Variants in SORCS3 observed in about 807,000 individuals in gnomAD.
SORCS3 encodes the protein VPS10 domain-containing receptor SorCS3.
A neutral mutation model predicts 146.3 loss-of-function variants in SORCS3; 57 were observed. That is an observed-to-expected ratio of 0.39 (90% CI 0.31 to 0.49). SORCS3 has a LOEUF of 0.49. Ranked by LOEUF, SORCS3 falls within the 20% of genes least tolerant of loss-of-function variation. The pLI is 0.92. For synonymous variants in SORCS3, 653 were observed against 618.5 expected, an observed-to-expected ratio of 1.06 and a Z score of -0.83; for missense variants, 1,341 against 1,575.5, an observed-to-expected ratio of 0.85 and a Z score of 2.52.
At chr10:104,740,863 A>G (rs1486559840) in intron 1 of SORCS3, among the ~76,000 whole-genome samples, 1 of 152,166 alleles carries the variant, frequency 6.6e-6, no homozygotes, top group Non-Finnish European at 1.5e-5. Context: ...TTATTAGGTT[A>G]ACATAAAGTT....
chr10:104,722,995 C>T (rs1197971553), intron 1 of SORCS3, among the ~76,000 whole-genome samples: 2 of 152,018 alleles, frequency 1.3e-5, no homozygotes, highest in African/African-American at 2.4e-5. Context: ...CTGCTCTGAT[C>T]TTAGTTATTT....
At chr10:105,082,823 G>A (rs2055634308) in intron 5 of SORCS3, among the ~76,000 whole-genome samples, 1 of 151,986 alleles carries the variant, frequency 6.6e-6, no homozygotes, top group East Asian at 1.9e-4. Flanking sequence ...CCCTGCCTCC[G>A]AGGTTCAAGT....
chr10:105,125,717 C>A (rs2055969261), intron 7 of SORCS3, among the ~76,000 whole-genome samples: 1 of 34,862 alleles, frequency 2.9e-5, no homozygotes, highest in African/African-American at 1.7e-4. Flanking sequence ...ACAAAACAGG[C>A]AGCTTAGAAT....
intron 5 of SORCS3, among the ~76,000 whole-genome samples, chr10:105,071,011 G>T (rs2055553122): frequency 6.6e-6 from 1 of 152,180 alleles, no homozygotes; most frequent in South Asian, 2.1e-4. Flanking sequence ...CCTGGGAGAG[G>T]TATTGTCCAG....
At chr10:104,878,992 C>T (rs1357851975) in intron 2 of SORCS3, among the ~76,000 whole-genome samples, 4 of 152,174 alleles carry the variant, frequency 2.6e-5, no homozygotes, top group Non-Finnish European at 4.4e-5. Context: ...CGGTGGTTCT[C>T]AGGGTCAGAT....
intron 1 of SORCS3, among the ~76,000 whole-genome samples, chr10:104,769,918 A>G (rs2017227848): frequency 6.6e-6 from 1 of 152,118 alleles, no homozygotes; most frequent in Non-Finnish European, 1.5e-5. Context: ...GCCATTTGGG[A>G]TAATGATAAT....
At chr10:105,077,156 T>C (rs1197223729) in intron 5 of SORCS3, among the ~76,000 whole-genome samples, 1 of 152,222 alleles carries the variant, frequency 6.6e-6, no homozygotes, top group Non-Finnish European at 1.5e-5. Context: ...CTAGTAGGAA[T>C]TGTGTCATAT....
chr10:105,062,889 G>T (rs542345912), intron 5 of SORCS3, among the ~76,000 whole-genome samples: 10 of 152,266 alleles, frequency 6.6e-5, no homozygotes, highest in Admixed American at 5.9e-4. Flanking sequence ...TGGTGGAGAT[G>T]ATGGTCTTTT....
chr10:105,234,403 G>A (rs2056781375), intron 20 of SORCS3, among the ~76,000 whole-genome samples: 2 of 151,948 alleles, frequency 1.3e-5, no homozygotes, highest in South Asian at 2.1e-4. Flanking sequence ...TGAGTTTTGA[G>A]TGTCTGTGGT....
intron 1 of SORCS3, among the ~76,000 whole-genome samples, chr10:104,709,069 G>C (rs897826154): frequency 6.6e-6 from 1 of 152,176 alleles, no homozygotes; most frequent in African/African-American, 2.4e-5. Context: ...ATTCTGTCTA[G>C]CCCTCCAGTC....
intron 20 of SORCS3, among the ~76,000 whole-genome samples, chr10:105,231,611 T>G (rs1221733097): frequency 6.6e-6 from 1 of 152,200 alleles, no homozygotes; most frequent in Non-Finnish European, 1.5e-5. Context: ...GTGGGAAAGC[T>G]TCTAATTTCA....
chr10:104,858,653 G>A (rs1327284639), intron 2 of SORCS3, among the ~76,000 whole-genome samples: 3 of 147,224 alleles, frequency 2.0e-5, no homozygotes, highest in Non-Finnish European at 3.0e-5. Flanking sequence ...ACGGAGTCTC[G>A]CTCTGTCGCC....
chr10:105,164,800 C>T (rs924430047), intron 12 of SORCS3, among the ~76,000 whole-genome samples: 7 of 152,106 alleles, frequency 4.6e-5, no homozygotes, highest in Admixed American at 1.3e-4. Context: ...CTGACAAAGC[C>T]ATGGAAGTCA....
At chr10:105,120,925 G>T (rs376136814) in intron 7 of SORCS3, among the ~76,000 whole-genome samples, 4 of 152,116 alleles carry the variant, frequency 2.6e-5, no homozygotes, top group African/African-American at 9.7e-5. Flanking sequence ...AAGTAAGGGT[G>T]GTGGTAAGCG....
intron 3 of SORCS3, among the ~76,000 whole-genome samples, chr10:104,961,370 G>T (rs959744115): frequency 6.6e-5 from 10 of 152,014 alleles, no homozygotes; most frequent in African/African-American, 2.2e-4. Flanking sequence ...TCCATGTCTG[G>T]GTTTACATCT....
rs1264379553 is a variant in SORCS3 at position 104,762,573 on chromosome 10, G to A, written c.628-80219G>A. Among the ~76,000 whole-genome samples, 3 of 152,106 alleles carry A rather than the reference G, an allele frequency of 2.0e-5. No homozygotes were observed. The East Asian group carries it at 5.8e-4, about 29-fold the overall frequency. Reference sequence around the variant, plus strand: ...TGATATGGTTTGGCTCTGTGTCCCTGCCCAAATCTCATCTCAAATTGTAAT... The same window carrying A: ...TGATATGGTTTGGCTCTGTGTCCCTACCCAAATCTCATCTCAAATTGTAAT... On this transcript the variant is annotated intron_variant, in intron 1 of 26. Coordinates refer to ENST00000369701, the MANE Select transcript of SORCS3 (RefSeq NM_014978.3).
At chr10:104,982,958 T>C (rs543480754) in intron 4 of SORCS3, among the ~76,000 whole-genome samples, 85 of 152,352 alleles carry the variant, frequency 5.6e-4, no homozygotes, top group African/African-American at 2.0e-3. Flanking sequence ...TTTAGCAAAA[T>C]GTGGCTCTGG....
At chr10:105,185,592 C>T (rs986753462) in intron 14 of SORCS3, among the ~76,000 whole-genome samples, 22 of 152,166 alleles carry the variant, frequency 1.4e-4, no homozygotes, top group African/African-American at 4.8e-4. Flanking sequence ...TATTGTCTTA[C>T]AGGTTTTTGT....
intron 2 of SORCS3, among the ~76,000 whole-genome samples, chr10:104,859,697 A>G (rs1051370392): frequency 1.3e-5 from 2 of 152,196 alleles, no homozygotes; most frequent in African/African-American, 4.8e-5. Context: ...TCCAGAATCT[A>G]CAATGAACTC....
Sources: gnomAD v4.1 joint callset for allele counts (sites outside exome capture counted in the v4.1 genomes callset) on GRCh38, gnomAD v4.1.1 for gene constraint, MANE v1.5 for transcripts, NCBI Gene and HGNC (gene_info 2026-07-23, HGNC 2026-07-21) for gene names.